Variants in KCNK2 observed in about 807,000 individuals in gnomAD.
KCNK2 encodes potassium channel subfamily K member 2.
KCNK2 carries 21 observed loss-of-function variants against 40.5 expected under a neutral mutation model. The ratio of observed to expected loss-of-function variants is 0.52; its 90% confidence interval spans 0.37 to 0.75. The LOEUF (loss-of-function observed/expected upper bound fraction) is 0.75, where lower values mean the gene tolerates loss of function less well. Ranked by LOEUF, KCNK2 falls within the 30% of genes least tolerant of loss-of-function variation. KCNK2 has a pLI of 0.00. For synonymous variants in KCNK2, 191 were observed against 202.2 expected (o/e 0.94, Z 0.47); for missense variants, 399 against 531.6 (o/e 0.75, Z 2.45).
chr1:215,140,051 T>C (rs558044592), intron 3 of KCNK2, among the ~76,000 whole-genome samples: 1 of 152,314 alleles, frequency 6.6e-6, no homozygotes, highest in East Asian at 1.9e-4. Context: ...TCTTTATGGA[T>C]GTTATAAATT....
chr1:215,065,974 A>T (rs1437118927), intron 1 of KCNK2, among the ~76,000 whole-genome samples: 1 of 152,148 alleles, frequency 6.6e-6, no homozygotes, highest in Non-Finnish European at 1.5e-5. Flanking sequence ...AAAAAAATTG[A>T]TGAAGCTGGA....
intron 6 of KCNK2, among the ~76,000 whole-genome samples, chr1:215,214,222 G>A (rs1665864171): frequency 1.3e-5 from 2 of 152,264 alleles, no homozygotes; most frequent in South Asian, 2.1e-4. Flanking sequence ...TTACAATTAC[G>A]GTGGAAGGCT....
At chr1:215,100,570 A>G (rs1446423829) in intron 2 of KCNK2, among the ~76,000 whole-genome samples, 2 of 151,990 alleles carry the variant, frequency 1.3e-5, no homozygotes, top group Non-Finnish European at 2.9e-5. Context: ...TTTAGTTAAA[A>G]AATATTTACA....
At chr1:215,219,642 TCTC>T (rs982762193) in intron 6 of KCNK2, among the ~76,000 whole-genome samples, 5 of 152,086 alleles carry the variant, frequency 3.3e-5, no homozygotes, top group East Asian at 3.9e-4. Flanking sequence ...CCATTGGAAA[TCTC>T]CTCTTTTCTC....
At chr1:215,233,475 C>CAT (rs397704941) in intron 6 of KCNK2, among the ~76,000 whole-genome samples, 22 of 142,154 alleles carry the variant, frequency 1.5e-4, no homozygotes, top group East Asian at 9.8e-4. Context: ...CACACACACA[C>CAT]GTACACACAC....
At chr1:215,069,426 A>G (rs1658671971) in intron 1 of KCNK2, among the ~76,000 whole-genome samples, 1 of 152,160 alleles carries the variant, frequency 6.6e-6, no homozygotes, top group Admixed American at 6.5e-5. Context: ...TGCTCATTTG[A>G]TTCCTAAAAG....
At chr1:215,022,054 G>A (rs1371865474) in intron 1 of KCNK2, among the ~76,000 whole-genome samples, 1 of 148,972 alleles carries the variant, frequency 6.7e-6, no homozygotes, top group East Asian at 2.0e-4. Flanking sequence ...ATGACACACT[G>A]TGGGACTTGG....
chr1:215,201,181 T>C (rs184141997), intron 6 of KCNK2, among the ~76,000 whole-genome samples: 92 of 152,224 alleles, frequency 6.0e-4, no homozygotes, highest in Non-Finnish European at 1.2e-4. Flanking sequence ...GTTGGGTCTG[T>C]TGGAAAGGCA....
intron 2 of KCNK2, among the ~76,000 whole-genome samples, chr1:215,115,750 T>C (rs559795936): frequency 4.2e-4 from 63 of 151,766 alleles, no homozygotes; most frequent in African/African-American, 1.5e-3. Flanking sequence ...AAAATTAATC[T>C]TTTTCTTCCA....
At chr1:215,148,257 CA>C (rs966264335) in intron 3 of KCNK2, among the ~76,000 whole-genome samples, 20 of 149,446 alleles carry the variant, frequency 1.3e-4, no homozygotes, top group African/African-American at 4.7e-4. Flanking sequence ...TTTTTTTTTT[CA>C]AAGATGGGGT....
chr1:215,227,065 T>C (rs934179539), intron 6 of KCNK2, among the ~76,000 whole-genome samples: 2 of 152,246 alleles, frequency 1.3e-5, no homozygotes, highest in African/African-American at 4.8e-5. Context: ...GATTCATTTG[T>C]CCTTTATTCA....
At chr1:215,208,642 C>T (rs1571729843) in intron 6 of KCNK2, among the ~76,000 whole-genome samples, 1 of 152,044 alleles carries the variant, frequency 6.6e-6, no homozygotes, top group East Asian at 1.9e-4. Context: ...GAGAAAAATG[C>T]TACGTATGAA....
chr1:215,053,855 T>C (rs1412890716), intron 1 of KCNK2, among the ~76,000 whole-genome samples: 1 of 152,146 alleles, frequency 6.6e-6, no homozygotes, highest in Non-Finnish European at 1.5e-5. Flanking sequence ...TAATCCCAGC[T>C]ACTCGGGAGG....
At chr1:215,234,804 C>T in intron 6 of KCNK2, 24 bp from the exon 7 acceptor site, 10 of 1,575,384 alleles carry the variant, frequency 6.3e-6, no homozygotes, top group Non-Finnish European at 8.7e-6. Context: ...ATATCTTTAT[C>T]TTTTCTCTGC....
chr1:215,093,344 A>ATATATATAAAATATACATATAT (rs1351928177), intron 2 of KCNK2, among the ~76,000 whole-genome samples: 4 of 141,828 alleles, frequency 2.8e-5, no homozygotes, highest in Non-Finnish European at 4.5e-5. Flanking sequence ...TTAAATATAC[A>ATATATATAAAATATACATATAT]TATATATAAA....
rs558394900 is a variant in KCNK2, at chr1:215,237,015, C to G, written c.*1870C>G. On this transcript the variant is annotated 3_prime_UTR_variant, in exon 7 of 7. Transcript: ENST00000444842. The stretch of plus-strand genomic sequence containing the variant: ...CACCCATTTCCTCAAATAACTGTTC[C>G]GAAAATTTATATGGTGGAATGCGCC... 2 of 152,366 alleles carry G rather than the reference C, an allele frequency of 1.3e-5. No individual in the cohort carries two copies. The highest frequency in any genetic ancestry group is 4.8e-5 in the African/African-American group (2 of 41,346). The allele number at this position is 152,366 out of a possible 1,614,324, so 9.4% of individuals were successfully genotyped here.
At chr1:215,216,016 A>G (rs747156312) in intron 6 of KCNK2, among the ~76,000 whole-genome samples, 3 of 152,226 alleles carry the variant, frequency 2.0e-5, no homozygotes, top group Non-Finnish European at 4.4e-5. Context: ...AAGACAGGGC[A>G]TGTCCTGCAC....
At chr1:215,116,290 G>T (rs1482618517) in intron 2 of KCNK2, among the ~76,000 whole-genome samples, 1 of 151,956 alleles carries the variant, frequency 6.6e-6, no homozygotes, top group Non-Finnish European at 1.5e-5. Flanking sequence ...GTGAATATAT[G>T]CATGTTGCAA....
chr1:215,135,644 CAA>C (rs1445171077), intron 3 of KCNK2, among the ~76,000 whole-genome samples: 1 of 151,930 alleles, frequency 6.6e-6, no homozygotes, highest in Non-Finnish European at 1.5e-5. Flanking sequence ...GTTATTCCCA[CAA>C]GACTGTGTCA....
Sources: gnomAD v4.1 joint callset for allele counts (sites outside exome capture counted in the v4.1 genomes callset) on GRCh38, gnomAD v4.1.1 for gene constraint, MANE v1.5 for transcripts, NCBI Gene and HGNC (gene_info 2026-07-23, HGNC 2026-07-21) for gene names.